DLG2: variants seen among roughly 807,000 people sequenced by gnomAD.
DLG2 encodes the protein disks large homolog 2.
DLG2 carries 45 observed loss-of-function variants against 132.5 expected under a neutral mutation model. The observed-to-expected ratio is 0.34, with a 90% CI of 0.27 to 0.44. The LOEUF is 0.44. Among genes scored for constraint, DLG2 ranks in the 20% least tolerant of loss-of-function variants. The pLI, the probability that DLG2 is intolerant of heterozygous loss-of-function variation, is 1.00. For synonymous variants in DLG2, 424 were observed against 419.6 expected, an observed-to-expected ratio of 1.01 and a Z score of -0.13; for missense variants, 1,045 against 1,196.9, an observed-to-expected ratio of 0.87 and a Z score of 1.87.
chr11:83,541,409 C>T (rs2096063878), intron 20 of DLG2, among the ~76,000 whole-genome samples: 1 of 152,142 alleles, frequency 6.6e-6, no homozygotes, highest in Admixed American at 6.6e-5. Flanking sequence ...TGCACATGCA[C>T]ACACTGGTAA....
intron 6 of DLG2, among the ~76,000 whole-genome samples, chr11:85,058,400 A>C (rs1259745652): frequency 6.6e-6 from 1 of 151,594 alleles, no homozygotes; most frequent in East Asian, 1.9e-4. Flanking sequence ...ACAAATAAAT[A>C]TATGTACACA....
At chr11:85,588,157 A>G (rs2079084671) in intron 3 of DLG2, among the ~76,000 whole-genome samples, 1 of 152,030 alleles carries the variant, frequency 6.6e-6, no homozygotes, top group African/African-American at 2.4e-5. Context: ...ACTTTATATA[A>G]CCTGATGACA....
intron 18 of DLG2, among the ~76,000 whole-genome samples, chr11:83,736,276 T>C (rs2091880544): frequency 6.6e-6 from 1 of 152,186 alleles, no homozygotes; most frequent in Non-Finnish European, 1.5e-5. Context: ...ATTAGATTAC[T>C]TAGCTTCTCT....
chr11:85,089,771 ACAG>A, intron 6 of DLG2, among the ~76,000 whole-genome samples: 1 of 152,190 alleles, frequency 6.6e-6, no homozygotes, highest in Non-Finnish European at 1.5e-5. Context: ...AAGGACATGA[ACAG>A]CTGCTTCTCA....
At chr11:84,392,955 G>A (rs1420565366) in intron 7 of DLG2, among the ~76,000 whole-genome samples, 1 of 152,016 alleles carries the variant, frequency 6.6e-6, no homozygotes, top group Non-Finnish European at 1.5e-5. Flanking sequence ...TATTAAATTT[G>A]CTTCAAAATG....
intron 6 of DLG2, among the ~76,000 whole-genome samples, chr11:84,806,605 A>C (rs535980273): frequency 6.6e-6 from 1 of 152,228 alleles, no homozygotes; most frequent in East Asian, 1.9e-4. Context: ...TCAGGAATTA[A>C]AAGGAATTTA....
At chr11:85,164,151 GACTA>G (rs2078248581) in intron 4 of DLG2, among the ~76,000 whole-genome samples, 1 of 152,084 alleles carries the variant, frequency 6.6e-6, no homozygotes. Flanking sequence ...AGTTGTCATA[GACTA>G]ACTCTCTTTC....
At chr11:84,325,066 G>T (rs989206497) in intron 7 of DLG2, among the ~76,000 whole-genome samples, 1 of 152,042 alleles carries the variant, frequency 6.6e-6, no homozygotes, top group Non-Finnish European at 1.5e-5. Context: ...GAGTAGAATG[G>T]TGAGAGTGAA....
At chr11:83,837,079 A>G (rs942164230) in intron 16 of DLG2, among the ~76,000 whole-genome samples, 5 of 152,082 alleles carry the variant, frequency 3.3e-5, no homozygotes, top group African/African-American at 1.2e-4. Context: ...TTACCTTTGC[A>G]TGGGGGTAGG....
At chr11:85,092,082 T>C (rs2154176498) in intron 6 of DLG2, among the ~76,000 whole-genome samples, 1 of 152,238 alleles carries the variant, frequency 6.6e-6, no homozygotes, top group East Asian at 1.9e-4. Flanking sequence ...AAAATTAAAA[T>C]TACTCCTTGA....
At chr11:85,401,493 A>G (rs749790096) in intron 3 of DLG2, among the ~76,000 whole-genome samples, 7 of 152,202 alleles carry the variant, frequency 4.6e-5, no homozygotes, top group Non-Finnish European at 1.0e-4. Flanking sequence ...GGCTAGGGCA[A>G]TCAGGCAGAA....
In DLG2 at chr11:84,747,628, A is replaced by C. The variant is rs576825369; in HGVS notation, c.358-212897T>G. Among the ~76,000 whole-genome samples the C allele has an allele frequency of 3.3e-5, 5 of 152,334 alleles. No homozygotes were observed. The East Asian group carries it at 9.6e-4, about 29-fold the overall frequency. ...TATGAAAATACTTGTCCTTGCACTA[A>C]GGTACTGAATAATTATTAGTTCATG... On this transcript the variant is annotated intron_variant, in intron 6 of 27. Transcript: ENST00000376104.
At chr11:84,804,979 A>G (rs896529261) in intron 6 of DLG2, among the ~76,000 whole-genome samples, 5 of 152,192 alleles carry the variant, frequency 3.3e-5, no homozygotes, top group African/African-American at 4.8e-5. Context: ...TGATGGCAAC[A>G]ATATCCATCC....
chr11:85,100,764 G>T (rs2070729372), intron 6 of DLG2, among the ~76,000 whole-genome samples: 1 of 152,084 alleles, frequency 6.6e-6, no homozygotes, highest in African/African-American at 2.4e-5. Context: ...TTAGGTTAGA[G>T]AAGAGAAAAA....
intron 14 of DLG2, among the ~76,000 whole-genome samples, chr11:83,952,143 C>A (rs570701021): frequency 6.6e-6 from 1 of 151,962 alleles, no homozygotes; most frequent in South Asian, 2.1e-4. Flanking sequence ...CTTGGGAGTT[C>A]GAGACTAGCC....
intron 6 of DLG2, among the ~76,000 whole-genome samples, chr11:84,535,057 T>C (rs886240678): frequency 3.3e-5 from 5 of 152,234 alleles, no homozygotes; most frequent in Non-Finnish European, 7.3e-5. Context: ...GTAACCCTCC[T>C]GACCAGAGTA....
intron 8 of DLG2, among the ~76,000 whole-genome samples, chr11:84,226,667 C>CA (rs1222143189): frequency 6.6e-6 from 1 of 151,896 alleles, no homozygotes; most frequent in East Asian, 1.9e-4. Context: ...TTTTAACTAT[C>CA]AAAAAAACAA....
Position 85,510,922 on chromosome 11 carries a change from C to T in DLG2, c.40+87735G>A, listed in dbSNP as rs1037388677. Among the ~76,000 whole-genome samples the T allele has an allele frequency of 2.0e-4, 30 of 152,164 alleles. 1 individual carries two copies. In the South Asian group the frequency reaches 2.5e-3, roughly 13 times the overall value. On this transcript the variant is annotated intron_variant, in intron 3 of 27. Coordinates refer to ENST00000376104, the MANE Select transcript of DLG2 (RefSeq NM_001142699.3). ...ATGCTGCTATAAAGACACGTGCACACGTATGTTTATTGTGGCACTATTCAC... is the reference window on the plus strand; with the variant it reads ...ATGCTGCTATAAAGACACGTGCACATGTATGTTTATTGTGGCACTATTCAC...
At chr11:84,021,664 C>T (rs2095398053) in intron 11 of DLG2, among the ~76,000 whole-genome samples, 1 of 152,106 alleles carries the variant, frequency 6.6e-6, no homozygotes, top group Non-Finnish European at 1.5e-5. Context: ...TATCTGGTAA[C>T]ATCAAACTGG....
Sources: gnomAD v4.1 joint callset for allele counts (sites outside exome capture counted in the v4.1 genomes callset) on GRCh38, gnomAD v4.1.1 for gene constraint, MANE v1.5 for transcripts, NCBI Gene and HGNC (gene_info 2026-07-23, HGNC 2026-07-21) for gene names.